Variants in TRHDE observed in about 807,000 individuals in gnomAD.
TRHDE encodes the protein thyrotropin-releasing hormone-degrading ectoenzyme.
A neutral mutation model predicts 125.7 loss-of-function variants in TRHDE; 72 were observed. That is an observed-to-expected ratio of 0.57 (90% CI 0.47 to 0.70). TRHDE has a LOEUF of 0.70. Ranked by LOEUF, TRHDE falls within the 30% of genes least tolerant of loss-of-function variation. The pLI is 0.00. For missense variants in TRHDE, 1,110 were observed against 1,327.1 expected (o/e 0.84, Z 2.54); for synonymous variants, 509 against 509.1 (o/e 1.00, Z 0.00).
At chr12:72,099,166 A>G (rs1044310955) in intron 1 of TRHDE, among the ~76,000 whole-genome samples, 4 of 150,434 alleles carry the variant, frequency 2.7e-5, no homozygotes, top group Non-Finnish European at 5.9e-5. Flanking sequence ...TCTGTCAAGA[A>G]AAAAAAAAAG....
intron 2 of TRHDE, among the ~76,000 whole-genome samples, chr12:72,301,693 TAAAAG>T (rs1209102465): frequency 1.3e-5 from 2 of 151,390 alleles, no homozygotes; most frequent in African/African-American, 2.4e-5. Flanking sequence ...TTGAGAAAGT[TAAAAG>T]AAACAATAGA....
At chr12:72,174,960 A>G (rs1592470165) in intron 2 of TRHDE, among the ~76,000 whole-genome samples, 1 of 152,290 alleles carries the variant, frequency 6.6e-6, no homozygotes, top group Middle Eastern at 3.4e-3. Context: ...AAGTTTTAGT[A>G]TGTATTATGC....
At chr12:72,285,056 T>A (rs560833226) in intron 1 of TRHDE, among the ~76,000 whole-genome samples, 10 of 152,342 alleles carry the variant, frequency 6.6e-5, no homozygotes, top group Non-Finnish European at 1.3e-4. Context: ...TTTTAAAATG[T>A]TTTATTTTTC....
chr12:72,373,043 G>A (rs1391155460), intron 2 of TRHDE, among the ~76,000 whole-genome samples: 2 of 152,124 alleles, frequency 1.3e-5, no homozygotes, highest in Admixed American at 6.5e-5. Context: ...TCCTCCATTT[G>A]TTTGTATCCT....
chr12:72,469,425 C>T (rs900092994), intron 3 of TRHDE, among the ~76,000 whole-genome samples: 7 of 152,158 alleles, frequency 4.6e-5, no homozygotes, highest in Non-Finnish European at 7.3e-5. Flanking sequence ...GAAGGCACAA[C>T]GCCTTTGCCT....
intron 10 of TRHDE, among the ~76,000 whole-genome samples, chr12:72,571,639 A>G (rs1484239086): frequency 6.6e-6 from 1 of 152,178 alleles, no homozygotes; most frequent in Non-Finnish European, 1.5e-5. Context: ...TTGTAAATGT[A>G]GTAGCTTGCA....
chr12:72,340,817 A>C (rs570692820), intron 2 of TRHDE, among the ~76,000 whole-genome samples: 8 of 152,286 alleles, frequency 5.3e-5, no homozygotes, highest in African/African-American at 1.9e-4. Context: ...GTAGAATGGT[A>C]AAATTGTAAG....
chr12:72,469,277 CT>C (rs1158300460), intron 3 of TRHDE, among the ~76,000 whole-genome samples: 1 of 151,994 alleles, frequency 6.6e-6, no homozygotes. Context: ...TTTAACATAA[CT>C]GAAAAAATAC....
chr12:72,198,158 G>A (rs1393042360), intron 2 of TRHDE, among the ~76,000 whole-genome samples: 1 of 151,728 alleles, frequency 6.6e-6, no homozygotes, highest in Non-Finnish European at 1.5e-5. Flanking sequence ...TTCCTTTTAT[G>A]ATAAATAATA....
At chr12:72,128,757 T>C (rs1703201453) in intron 2 of TRHDE, among the ~76,000 whole-genome samples, 1 of 152,036 alleles carries the variant, frequency 6.6e-6, no homozygotes. Flanking sequence ...ACAGGGAGAT[T>C]ACAAAAATGA....
intron 1 of TRHDE, among the ~76,000 whole-genome samples, chr12:72,094,012 T>C (rs1874851839): frequency 6.6e-6 from 1 of 152,162 alleles, no homozygotes; most frequent in South Asian, 2.1e-4. Flanking sequence ...GATGATGAGA[T>C]TGCCTCTGGG....
At chr12:72,211,066 A>G (rs758762094) in intron 2 of TRHDE, among the ~76,000 whole-genome samples, 3 of 152,142 alleles carry the variant, frequency 2.0e-5, no homozygotes, top group Non-Finnish European at 4.4e-5. Context: ...GTTTCCTCAC[A>G]CTTAAAGGGA....
At chr12:72,430,510 C>A (rs1316999748) in intron 3 of TRHDE, among the ~76,000 whole-genome samples, 1 of 149,516 alleles carries the variant, frequency 6.7e-6, no homozygotes, top group Non-Finnish European at 1.5e-5. Flanking sequence ...TTTCTGATAC[C>A]AGTTTTTGAA....
At chr12:72,576,443 C>G (rs551169771) in intron 12 of TRHDE, among the ~76,000 whole-genome samples, 4 of 152,002 alleles carry the variant, frequency 2.6e-5, no homozygotes, top group Admixed American at 2.6e-4. Flanking sequence ...AAATTCAATT[C>G]TCTTCCATAT....
intron 2 of TRHDE, among the ~76,000 whole-genome samples, chr12:72,176,347 C>A (rs1876988072): frequency 6.6e-6 from 1 of 152,072 alleles, no homozygotes; most frequent in Admixed American, 6.6e-5. Flanking sequence ...TACATTCTCA[C>A]CCTACTTAGT....
At chr12:72,225,451 G>T (rs373373734) in intron 2 of TRHDE, among the ~76,000 whole-genome samples, 10 of 152,264 alleles carry the variant, frequency 6.6e-5, no homozygotes, top group African/African-American at 1.4e-4. Context: ...TTAGGGAAAA[G>T]CCAGTGGAAA....
In TRHDE at chr12:72,563,046, A is replaced by G. The variant is rs1870258502; in HGVS notation, c.2042+6A>G. On this transcript the variant is annotated splice_donor_region_variant and intron_variant, in intron 9 of 18. Coordinates refer to ENST00000261180, the MANE Select transcript of TRHDE (RefSeq NM_013381.3). ...CTTAAACTTCAGAATAACAGGTATG[A>G]CATTCTTTTTTACGTGAAAAATATT... The G allele has an allele frequency of 6.4e-7, 1 of 1,558,784 alleles. No homozygotes were observed. The highest frequency in any genetic ancestry group is 8.7e-7 in the Non-Finnish European group (1 of 1,149,928).
chr12:72,629,629 T>G (rs1873396784), intron 15 of TRHDE, among the ~76,000 whole-genome samples: 1 of 151,706 alleles, frequency 6.6e-6, no homozygotes, highest in African/African-American at 2.4e-5. Flanking sequence ...AAACTGGAAT[T>G]TTGTTGGCTG....
rs1324313012 is a variant in TRHDE, at chr12:72,224,266, C to A, written n.279+118514C>A. ...AACTTTGGTTACAAATATGAAGGACCCCCCCCTAGGTAGACCAGAACCAGA... is the reference window on the plus strand; with the variant it reads ...AACTTTGGTTACAAATATGAAGGACACCCCCCTAGGTAGACCAGAACCAGA... On this transcript the variant is annotated intron_variant and non_coding_transcript_variant, in intron 2 of 4. Coordinates refer to the TRHDE transcript ENST00000548156. 9.9e-4 allele frequency among the ~76,000 whole-genome samples: 9 copies of A among 9,104 alleles called. No individual in the cohort carries two copies. In the South Asian group the frequency reaches 0.034, roughly 35 times the overall value. The allele number at this position is 9,104 out of a possible 152,430, so 6.0% of individuals were successfully genotyped here.
Sources: gnomAD v4.1 joint callset for allele counts (sites outside exome capture counted in the v4.1 genomes callset) on GRCh38, gnomAD v4.1.1 for gene constraint, MANE v1.5 for transcripts, NCBI Gene and HGNC (gene_info 2026-07-23, HGNC 2026-07-21) for gene names.